IMMP2L: variants seen among roughly 807,000 people sequenced by gnomAD.
IMMP2L encodes inner mitochondrial membrane peptidase subunit 2.
A neutral mutation model predicts 19.3 loss-of-function variants in IMMP2L; 18 were observed. The observed-to-expected ratio is 0.93, with a 90% CI of 0.64 to 1.38. The LOEUF is 1.38. Among genes scored for constraint, IMMP2L ranks in the 40% most tolerant of loss-of-function variants. The pLI, the probability that IMMP2L is intolerant of heterozygous loss-of-function variation, is 0.00. For synonymous variants in IMMP2L, 76 were observed against 73.0 expected (o/e 1.04, Z -0.21); for missense variants, 233 against 218.2 (o/e 1.07, Z -0.43).
intron 3 of IMMP2L, chr7:111,125,136 A>G (rs1325387947): frequency 2.5e-5 from 10 of 397,918 alleles, no homozygotes; most frequent in African/African-American, 4.2e-5. Flanking sequence ...AAATAACTCC[A>G]TTTTCTAAAA....
chr7:111,231,649 T>C (rs1813727631), intron 3 of IMMP2L, among the ~76,000 whole-genome samples: 1 of 152,038 alleles, frequency 6.6e-6, no homozygotes, highest in Non-Finnish European at 1.5e-5. Flanking sequence ...ATGACTATTT[T>C]ATCTACCAAG....
chr7:111,111,470 T>G (rs1465894928), intron 3 of IMMP2L, among the ~76,000 whole-genome samples: 2 of 150,462 alleles, frequency 1.3e-5, no homozygotes, highest in South Asian at 2.2e-4. Flanking sequence ...GCCCTCTCTA[T>G]TCAACACATA....
At chr7:111,288,214 T>A (rs1390636201) in intron 3 of IMMP2L, among the ~76,000 whole-genome samples, 1 of 152,128 alleles carries the variant, frequency 6.6e-6, no homozygotes, top group Non-Finnish European at 1.5e-5. Context: ...AAAGATGTGG[T>A]CAAAGGGAAG....
chr7:111,509,478 T>A (rs1845246523), intron 2 of IMMP2L, among the ~76,000 whole-genome samples: 1 of 152,170 alleles, frequency 6.6e-6, no homozygotes, highest in African/African-American at 2.4e-5. Flanking sequence ...TTGAGCTGTC[T>A]CACCCTTGTA....
At chr7:111,054,859 A>C (rs1474650286) in intron 3 of IMMP2L, among the ~76,000 whole-genome samples, 2 of 152,180 alleles carry the variant, frequency 1.3e-5, no homozygotes, top group Non-Finnish European at 2.9e-5. Flanking sequence ...TTAAAGAACA[A>C]TAGTAAAAGA....
intron 1 of IMMP2L, among the ~76,000 whole-genome samples, chr7:111,545,656 C>A (rs1182733511): frequency 6.6e-6 from 1 of 152,122 alleles, no homozygotes; most frequent in East Asian, 1.9e-4. Flanking sequence ...AAATTATATA[C>A]TGTGGATAGT....
At chr7:111,192,872 G>A (rs1327903622) in intron 3 of IMMP2L, among the ~76,000 whole-genome samples, 2 of 152,142 alleles carry the variant, frequency 1.3e-5, no homozygotes, top group East Asian at 3.9e-4. Flanking sequence ...GAAGAGAGTG[G>A]TAGCTGATGA....
chr7:111,500,835 T>C (rs895608483), intron 2 of IMMP2L, among the ~76,000 whole-genome samples: 2 of 151,896 alleles, frequency 1.3e-5, no homozygotes, highest in African/African-American at 4.8e-5. Context: ...GTCACCATCA[T>C]CAAAGACCAA....
At chr7:111,326,623 A>G (rs887492833) in intron 3 of IMMP2L, among the ~76,000 whole-genome samples, 1 of 151,826 alleles carries the variant, frequency 6.6e-6, no homozygotes, top group African/African-American at 2.4e-5. Flanking sequence ...AGAAATATGC[A>G]ATGAAAACCG....
chr7:111,476,397 C>G (rs112213573), intron 3 of IMMP2L, among the ~76,000 whole-genome samples: 3,390 of 152,156 alleles, frequency 0.022, 134 homozygotes, highest in African/African-American at 0.078. Flanking sequence ...ACATAGTAAA[C>G]GTGGTTTTAG....
intron 3 of IMMP2L, among the ~76,000 whole-genome samples, chr7:111,389,902 T>G (rs780836282): frequency 2.2e-4 from 34 of 152,140 alleles, no homozygotes; most frequent in Non-Finnish European, 4.0e-4. Flanking sequence ...AATAAGGATG[T>G]TAAAAGGTGT....
At chr7:111,014,941 G>A (rs1825354781) in intron 3 of IMMP2L, among the ~76,000 whole-genome samples, 1 of 152,124 alleles carries the variant, frequency 6.6e-6, no homozygotes, top group Non-Finnish European at 1.5e-5. Context: ...TGGAGCCCTG[G>A]TGCCCTGTTG....
chr7:110,860,158 A>AT (rs34780266), intron 5 of IMMP2L, among the ~76,000 whole-genome samples: 1 of 152,122 alleles, frequency 6.6e-6, no homozygotes, highest in Non-Finnish European at 1.5e-5. Context: ...ATTATATTCC[A>AT]TTTTGTGGAA....
intron 3 of IMMP2L, among the ~76,000 whole-genome samples, chr7:111,045,627 G>C (rs1448828579): frequency 6.6e-6 from 1 of 152,202 alleles, no homozygotes; most frequent in Non-Finnish European, 1.5e-5. Flanking sequence ...CAGTGCCAGA[G>C]TGATGCAATA....
rs183796528 is a variant in IMMP2L at position 110,962,801 on chromosome 7, G to C, written c.305+699C>G. 4.0e-5 allele frequency: 47 copies of C among 1,183,336 alleles called. No individual in the cohort carries two copies. The African/African-American group carries it at 7.0e-4, about 18-fold the overall frequency. The allele number at this position is 1,183,336 out of a possible 1,614,324, so 73.3% of individuals were successfully genotyped here. A position where few individuals can be genotyped will look rare whatever the true frequency, so the allele number is the denominator to read the frequency against. On this transcript the variant is annotated intron_variant, in intron 4 of 5. Coordinates refer to ENST00000405709, the MANE Select transcript of IMMP2L (RefSeq NM_032549.4). ...AGGATCAAGTTTTTTTAGAAAACAG[G>C]GTCAGAAAACTTCCTCAATGTAGTA...
intron 3 of IMMP2L, among the ~76,000 whole-genome samples, chr7:111,474,374 A>C (rs1263968526): frequency 6.6e-6 from 1 of 152,154 alleles, no homozygotes; most frequent in Non-Finnish European, 1.5e-5. Flanking sequence ...AAGTGTGCTA[A>C]GGAATCATAC....
intron 3 of IMMP2L, among the ~76,000 whole-genome samples, chr7:111,474,563 T>C (rs973222146): frequency 6.6e-6 from 1 of 152,052 alleles, no homozygotes; most frequent in Admixed American, 6.6e-5. Flanking sequence ...TTGCTTTTCT[T>C]CCTTTTTGTT....
At chr7:111,098,656 A>G (rs981271801) in intron 3 of IMMP2L, among the ~76,000 whole-genome samples, 1 of 151,794 alleles carries the variant, frequency 6.6e-6, no homozygotes, top group African/African-American at 2.4e-5. Flanking sequence ...AGCACTTAAC[A>G]TACATTTTCT....
chr7:110,862,883 C>T (rs1256638031), intron 5 of IMMP2L, among the ~76,000 whole-genome samples: 1 of 151,940 alleles, frequency 6.6e-6, no homozygotes, highest in Non-Finnish European at 1.5e-5. Flanking sequence ...ACGTCTCTCC[C>T]TAAAAAGCAG....
Sources: allele counts gnomAD v4.1 joint callset (sites outside exome capture counted in the v4.1 genomes callset), GRCh38; gene constraint gnomAD v4.1.1; transcripts MANE v1.5; gene names NCBI Gene and HGNC (gene_info 2026-07-23, HGNC 2026-07-21).